Variants in SGCZ observed in about 807,000 individuals in gnomAD.
SGCZ encodes the protein zeta-sarcoglycan.
Under a neutral mutation model 41.3 loss-of-function variants are expected in SGCZ, and 40 were observed. The observed-to-expected ratio is 0.97, with a 90% confidence interval of 0.75 to 1.26. The LOEUF (loss-of-function observed/expected upper bound fraction) is 1.26, where lower values mean the gene tolerates loss of function less well. Among genes scored for constraint, SGCZ ranks in the 50% most tolerant of loss-of-function variants. SGCZ has a pLI of 0.00. For synonymous variants in SGCZ, 206 were observed against 137.5 expected, an observed-to-expected ratio of 1.50 and a Z score of -3.49; for missense variants, 552 against 369.8, an observed-to-expected ratio of 1.49 and a Z score of -4.04.
intron 1 of SGCZ, among the ~76,000 whole-genome samples, chr8:14,587,569 G>A (rs1315047751): frequency 6.6e-6 from 1 of 152,160 alleles, no homozygotes. Context: ...TCTTTTAACA[G>A]CACATGCTGT....
intron 1 of SGCZ, among the ~76,000 whole-genome samples, chr8:14,996,966 A>T (rs537800035): frequency 6.6e-6 from 1 of 152,298 alleles, no homozygotes; most frequent in South Asian, 2.1e-4. Flanking sequence ...TACTCTACAT[A>T]GTAAGGAAGA....
At chr8:14,802,847 A>G (rs1413120687) in intron 1 of SGCZ, among the ~76,000 whole-genome samples, 1 of 152,136 alleles carries the variant, frequency 6.6e-6, no homozygotes, top group Non-Finnish European at 1.5e-5. Context: ...ATTAACACCA[A>G]AGCATCCTGT....
chr8:14,616,066 G>C (rs979750214), intron 1 of SGCZ, among the ~76,000 whole-genome samples: 1 of 151,956 alleles, frequency 6.6e-6, no homozygotes, highest in Non-Finnish European at 1.5e-5. Flanking sequence ...GGCAGATCAC[G>C]AGGTCAAGAG....
chr8:14,195,336 A>G (rs1227615393), intron 4 of SGCZ, among the ~76,000 whole-genome samples: 1 of 152,126 alleles, frequency 6.6e-6, no homozygotes, highest in African/African-American at 2.4e-5. Context: ...ATTACAGCTG[A>G]AAATATAAGT....
intron 5 of SGCZ, among the ~76,000 whole-genome samples, chr8:14,110,011 CT>C (rs906500580): frequency 6.6e-6 from 1 of 151,998 alleles, no homozygotes; most frequent in African/African-American, 2.4e-5. Flanking sequence ...GTTTTTAAAA[CT>C]TTTTTTCATG....
intron 2 of SGCZ, among the ~76,000 whole-genome samples, chr8:14,396,422 T>C (rs937635913): frequency 1.3e-5 from 2 of 152,276 alleles, no homozygotes; most frequent in South Asian, 2.1e-4. Flanking sequence ...CTAATCCTCA[T>C]GGAAAATGGT....
At chr8:14,323,087 T>C (rs144874092) in intron 3 of SGCZ, among the ~76,000 whole-genome samples, 32 of 152,208 alleles carry the variant, frequency 2.1e-4, no homozygotes, top group African/African-American at 6.7e-4. Context: ...GTAGAGTCAA[T>C]ACAGTATATT....
intron 2 of SGCZ, among the ~76,000 whole-genome samples, chr8:14,525,205 C>A (rs1802910750): frequency 6.6e-6 from 1 of 151,378 alleles, no homozygotes; most frequent in Admixed American, 6.6e-5. Context: ...GACAGACAGA[C>A]AGACAGATGT....
At chr8:14,366,842 A>G (rs570378676) in intron 2 of SGCZ, among the ~76,000 whole-genome samples, 3 of 152,002 alleles carry the variant, frequency 2.0e-5, no homozygotes, top group African/African-American at 4.8e-5. Flanking sequence ...AAGGCACAAA[A>G]CCTTTTTTCC....
chr8:15,219,127 T>A (rs1169667273), intron 1 of SGCZ, among the ~76,000 whole-genome samples: 1 of 152,204 alleles, frequency 6.6e-6, no homozygotes, highest in Non-Finnish European at 1.5e-5. Context: ...ATTGAGTACT[T>A]TTTTACAAGA....
intron 5 of SGCZ, among the ~76,000 whole-genome samples, chr8:14,122,094 G>A (rs1802713983): frequency 6.6e-6 from 1 of 152,126 alleles, no homozygotes; most frequent in Non-Finnish European, 1.5e-5. Context: ...CTGCTAACAT[G>A]GTGAAACCCG....
At chr8:14,784,217 AT>A (rs67777073) in intron 1 of SGCZ, among the ~76,000 whole-genome samples, 74,511 of 150,960 alleles carry the variant, frequency 0.49, 20,558 homozygotes, top group Non-Finnish European at 0.61. Flanking sequence ...AGCCTGGCTA[AT>A]TTTTTTTTAT....
intron 1 of SGCZ, among the ~76,000 whole-genome samples, chr8:14,841,311 A>C (rs1166208189): frequency 2.0e-5 from 3 of 152,024 alleles, no homozygotes; most frequent in Non-Finnish European, 4.4e-5. Context: ...TCTCAGGCTA[A>C]CCTAACATAA....
intron 1 of SGCZ, among the ~76,000 whole-genome samples, chr8:14,799,604 C>A (rs987080465): frequency 6.6e-6 from 1 of 152,142 alleles, no homozygotes; most frequent in Middle Eastern, 3.2e-3. Context: ...AGTTCCCCTT[C>A]TGAACTAAGA....
intron 1 of SGCZ, among the ~76,000 whole-genome samples, chr8:14,775,344 A>G (rs1800369616): frequency 6.6e-6 from 1 of 152,144 alleles, no homozygotes; most frequent in African/African-American, 2.4e-5. Context: ...CTGGTTTCAC[A>G]CAATTTTATT....
intron 4 of SGCZ, among the ~76,000 whole-genome samples, chr8:14,209,483 C>T (rs574662963): frequency 9.1e-4 from 139 of 152,188 alleles, no homozygotes; most frequent in Middle Eastern, 3.4e-3. Context: ...AATTACAGAT[C>T]AGGAGTGTGG....
At chr8:14,965,384 C>G (rs1385297903) in intron 1 of SGCZ, among the ~76,000 whole-genome samples, 4 of 151,850 alleles carry the variant, frequency 2.6e-5, no homozygotes, top group Non-Finnish European at 5.9e-5. Flanking sequence ...TTGAGAAAAT[C>G]GACATGAAAG....
At chr8:14,892,506 C>G (rs1218427239) in intron 1 of SGCZ, among the ~76,000 whole-genome samples, 1 of 152,136 alleles carries the variant, frequency 6.6e-6, no homozygotes, top group Non-Finnish European at 1.5e-5. Context: ...CATCACGTCT[C>G]TTTGGATAAA....
At chr8:15,036,760 G>C (rs910803157) in intron 1 of SGCZ, among the ~76,000 whole-genome samples, 4 of 151,818 alleles carry the variant, frequency 2.6e-5, no homozygotes, top group African/African-American at 4.8e-5. Context: ...CTGATACTGG[G>C]TTAGGACAAT....
Sources: gnomAD v4.1 joint callset for allele counts (sites outside exome capture counted in the v4.1 genomes callset) on GRCh38, gnomAD v4.1.1 for gene constraint, MANE v1.5 for transcripts, NCBI Gene and HGNC (gene_info 2026-07-23, HGNC 2026-07-21) for gene names.